Variants in CNTNAP5 observed in about 807,000 individuals in gnomAD.
CNTNAP5 encodes contactin associated protein family member 5, also known as contactin-associated protein-like 5.
Under a neutral mutation model 150.2 loss-of-function variants are expected in CNTNAP5, and 72 were observed. The observed-to-expected ratio is 0.48, with a 90% CI of 0.40 to 0.58. CNTNAP5 has a LOEUF of 0.58. Among genes scored for constraint, CNTNAP5 ranks in the 20% least tolerant of loss-of-function variants. CNTNAP5 has a pLI of 0.00. For synonymous variants in CNTNAP5, 672 were observed against 619.8 expected, an observed-to-expected ratio of 1.08 and a Z score of -1.25; for missense variants, 1,636 against 1,626.2, an observed-to-expected ratio of 1.01 and a Z score of -0.10.
Position 124,046,034 on chromosome 2 carries a change from A to T in CNTNAP5, c.82+20302A>T, listed in dbSNP as rs139645425. Among the ~76,000 whole-genome samples, 126 of 152,338 alleles carry T rather than the reference A, an allele frequency of 8.3e-4. 3 individuals carry two copies. In the East Asian group the frequency reaches 0.019, roughly 23 times the overall value. ...ATCCATGACCCAGAAAAGATGAAGA[A>T]AGAAAGGCTCTGAGATCCTCATTAC... On this transcript the variant is annotated intron_variant, in intron 1 of 23. Coordinates refer to ENST00000682447, the MANE Select transcript of CNTNAP5 (RefSeq NM_001367498.1).
intron 5 of CNTNAP5, among the ~76,000 whole-genome samples, chr2:124,435,633 A>G (rs577106852): frequency 1.3e-5 from 2 of 152,338 alleles, no homozygotes; most frequent in East Asian, 1.9e-4. Context: ...TAAAATAGTA[A>G]AGAAGGAAAG....
intron 13 of CNTNAP5, among the ~76,000 whole-genome samples, chr2:124,663,169 C>A (rs1504015): frequency 1.3e-5 from 2 of 151,974 alleles, no homozygotes; most frequent in African/African-American, 2.4e-5. Context: ...GATTACACAC[C>A]AATCTAGTAA....
At chr2:124,907,106 G>C (rs1678553698) in intron 22 of CNTNAP5, among the ~76,000 whole-genome samples, 1 of 152,050 alleles carries the variant, frequency 6.6e-6, no homozygotes. Flanking sequence ...GGGTTGTATG[G>C]AACCAAGAAA....
chr2:124,797,914 A>C (rs1023326038), intron 18 of CNTNAP5, among the ~76,000 whole-genome samples, 182 bp from the exon 19 acceptor site: 2 of 152,168 alleles, frequency 1.3e-5, no homozygotes. Flanking sequence ...TAAGTTTTTC[A>C]TTTGTAAATT....
intron 3 of CNTNAP5, among the ~76,000 whole-genome samples, chr2:124,369,065 G>C (rs922689547): frequency 6.6e-6 from 1 of 152,154 alleles, no homozygotes; most frequent in African/African-American, 2.4e-5. Flanking sequence ...AAGGGGAAGA[G>C]AGAGACAAGA....
intron 12 of CNTNAP5, among the ~76,000 whole-genome samples, chr2:124,611,097 G>A (rs1412776576): frequency 7.2e-5 from 11 of 152,152 alleles, no homozygotes; most frequent in African/African-American, 1.4e-4. Context: ...AAGCAGGAAC[G>A]TAGGGGCCTC....
At position 124,655,169 on chromosome 2, in the gene CNTNAP5, A is replaced by C. The variant is rs547452959; in HGVS notation, c.2077+7211A>C. ...TTCCCCTAACCCTCTGATGAGCCCC[A>C]GTGTGTGATGTTTCCCTCCCTGTGT... On this transcript the variant is annotated intron_variant, in intron 13 of 23. Transcript: ENST00000682447. 1.2e-3 allele frequency among the ~76,000 whole-genome samples: 188 copies of C among 151,998 alleles called. 1 individual carries two copies. The highest frequency in any genetic ancestry group is 3.9e-3 in the African/African-American group (163 of 41,438).
At chr2:124,683,387 C>T (rs551674909) in intron 13 of CNTNAP5, among the ~76,000 whole-genome samples, 11 of 152,118 alleles carry the variant, frequency 7.2e-5, no homozygotes, top group African/African-American at 2.2e-4. Context: ...TTTATTAAAA[C>T]AGTTTTTATT....
intron 11 of CNTNAP5, among the ~76,000 whole-genome samples, chr2:124,588,487 A>G (rs1696606830): frequency 6.6e-6 from 1 of 151,994 alleles, no homozygotes; most frequent in African/African-American, 2.4e-5. Context: ...GTGTGTGCCC[A>G]CTGAGAAGGT....
chr2:124,396,349 G>A (rs1163358224), intron 3 of CNTNAP5, among the ~76,000 whole-genome samples: 1 of 152,162 alleles, frequency 6.6e-6, no homozygotes, highest in Non-Finnish European at 1.5e-5. Context: ...CATTCGATAT[G>A]GGGCATACAG....
intron 6 of CNTNAP5, among the ~76,000 whole-genome samples, chr2:124,467,169 C>T (rs1693396949): frequency 6.6e-6 from 1 of 152,110 alleles, no homozygotes; most frequent in Non-Finnish European, 1.5e-5. Flanking sequence ...TCTAATTGTT[C>T]CTATGCAGAT....
At chr2:124,305,800 T>C (rs1688674465) in intron 3 of CNTNAP5, among the ~76,000 whole-genome samples, 1 of 152,222 alleles carries the variant, frequency 6.6e-6, no homozygotes, top group African/African-American at 2.4e-5. Context: ...ATTGAACTTC[T>C]CAGCCTCCAG....
intron 6 of CNTNAP5, among the ~76,000 whole-genome samples, chr2:124,462,014 G>GC (rs978542497): frequency 6.6e-6 from 1 of 151,848 alleles, no homozygotes; most frequent in African/African-American, 2.4e-5. Flanking sequence ...ATTATGTATG[G>GC]CATTTTAAAA....
At chr2:124,213,428 AAAC>A (rs1402768036) in intron 1 of CNTNAP5, among the ~76,000 whole-genome samples, 1 of 152,208 alleles carries the variant, frequency 6.6e-6, no homozygotes, top group Non-Finnish European at 1.5e-5. Context: ...TCCCAAGAGA[AAAC>A]AACAATTCAA....
chr2:124,093,929 C>G (rs925348535), intron 1 of CNTNAP5, among the ~76,000 whole-genome samples: 2 of 152,132 alleles, frequency 1.3e-5, no homozygotes, highest in Admixed American at 6.5e-5. Context: ...GAGAAAACAA[C>G]AAATAATGAG....
At chr2:124,550,707 G>T (rs114955816) in intron 10 of CNTNAP5, among the ~76,000 whole-genome samples, 1 of 152,070 alleles carries the variant, frequency 6.6e-6, no homozygotes, top group South Asian at 2.1e-4. Context: ...CATTCTGATG[G>T]ATCACTTCTA....
chr2:124,319,735 C>T (rs1327101601), intron 3 of CNTNAP5, among the ~76,000 whole-genome samples: 7 of 152,102 alleles, frequency 4.6e-5, no homozygotes, highest in Admixed American at 4.6e-4. Flanking sequence ...AGCCTCTACC[C>T]ACTAGATGCC....
chr2:124,086,201 T>C (rs1466411391), intron 1 of CNTNAP5, among the ~76,000 whole-genome samples: 1 of 141,216 alleles, frequency 7.1e-6, no homozygotes, highest in South Asian at 2.3e-4. Context: ...TTTTTTTTTT[T>C]TTTTTTTTTT....
chr2:124,118,029 A>G (rs190833995), intron 1 of CNTNAP5, among the ~76,000 whole-genome samples: 5 of 152,292 alleles, frequency 3.3e-5, no homozygotes, highest in Admixed American at 6.5e-5. Flanking sequence ...AAAAATTTTC[A>G]GGGAATTCTT....
Sources: gnomAD v4.1 joint callset for allele counts (sites outside exome capture counted in the v4.1 genomes callset) on GRCh38, gnomAD v4.1.1 for gene constraint, MANE v1.5 for transcripts, NCBI Gene and HGNC (gene_info 2026-07-23, HGNC 2026-07-21) for gene names.